The following JMJD1C variants were observed in gnomAD, a reference collection of about 807,000 sequenced individuals.
JMJD1C encodes the protein jumonji domain containing 1C.
JMJD1C carries 31 observed loss-of-function variants against 245.3 expected under a neutral mutation model. The ratio of observed to expected loss-of-function variants is 0.13; its 90% CI spans 0.09 to 0.17. The LOEUF (loss-of-function observed/expected upper bound fraction) is 0.17, where lower values mean the gene tolerates loss of function less well. Among genes scored for constraint, JMJD1C ranks in the 10% least tolerant of loss-of-function variants. JMJD1C has a pLI of 1.00. For missense variants in JMJD1C, 2,691 were observed against 3,000.2 expected, an observed-to-expected ratio of 0.90 and a Z score of 2.41; for synonymous variants, 1,057 against 1,017.4, an observed-to-expected ratio of 1.04 and a Z score of -0.74.
chr10:63,213,647 C>T lies in JMJD1C; in HGVS notation c.2520G>A (p.Gln840=), dbSNP rs753409956. The T allele has an allele frequency of 3.7e-6, 6 of 1,614,202 alleles. No homozygotes were observed. Among genetic ancestry groups the T allele is most frequent in the Non-Finnish European group, 5.1e-6 (6 of 1,180,020 alleles). ...HQQQQQLLQH[Q]SPHLLGQAHP... ...GGGCTTGTCCAAGAAGATGAGGTGA[C>T]TGGTGCTGTAACAACTGTTGTTGTT... The change falls in exon 8 of 26, where the codon CAG becomes CAA. Residue 840 remains glutamine, a synonymous_variant. Coordinates refer to ENST00000399262, the MANE Select transcript of JMJD1C (RefSeq NM_032776.3).
At chr10:63,431,400 G>A (rs1291778543) in intron 1 of JMJD1C, among the ~76,000 whole-genome samples, 1 of 152,152 alleles carries the variant, frequency 6.6e-6, no homozygotes, top group East Asian at 1.9e-4. Context: ...TATGGAAAAT[G>A]AGGCCAACCT....
intron 1 of JMJD1C, among the ~76,000 whole-genome samples, chr10:63,473,277 A>C (rs112988592): frequency 0.037 from 5,608 of 151,128 alleles, 327 homozygotes; most frequent in East Asian, 0.29. Context: ...ACACGGTCTC[A>C]CTCTGTCATC....
chr10:63,226,619 A>G (rs953262048), intron 3 of JMJD1C, among the ~76,000 whole-genome samples: 1 of 142,940 alleles, frequency 7.0e-6, no homozygotes, highest in Non-Finnish European at 1.5e-5. Context: ...GGAGGCTGAG[A>G]TGGGAGGATC....
chr10:63,220,821 A>G (rs1318912483), intron 3 of JMJD1C, among the ~76,000 whole-genome samples: 1 of 152,224 alleles, frequency 6.6e-6, no homozygotes. Flanking sequence ...TAAAGTGGAC[A>G]GGCAGGGCCG....
chr10:63,380,179 A>G (rs761016006), intron 2 of JMJD1C, 139 bp downstream of exon 2: 6 of 762,008 alleles, frequency 7.9e-6, no homozygotes, highest in East Asian at 2.8e-5. Context: ...CCTGGCTTCA[A>G]GCAATTGTCC....
intron 2 of JMJD1C, among the ~76,000 whole-genome samples, chr10:63,297,421 C>T (rs73292336): frequency 0.025 from 3,760 of 152,294 alleles, 151 homozygotes; most frequent in African/African-American, 0.086. Flanking sequence ...GTCTCCTCTC[C>T]GCTGAGAGCT....
intron 2 of JMJD1C, among the ~76,000 whole-genome samples, chr10:63,299,357 A>AT (rs59878158): frequency 0.18 from 24,291 of 135,628 alleles, 3,714 homozygotes; most frequent in African/African-American, 0.41. Flanking sequence ...TAATTTTTCC[A>AT]TTTTTTTTTT....
chr10:63,445,521 A>G (rs1174751126), intron 1 of JMJD1C, among the ~76,000 whole-genome samples: 3 of 152,208 alleles, frequency 2.0e-5, no homozygotes, highest in African/African-American at 7.2e-5. Flanking sequence ...TAAGAGGGTA[A>G]TAGAAGATAA....
At chr10:63,297,852 GAGAA>G (rs1356678623) in intron 2 of JMJD1C, among the ~76,000 whole-genome samples, 2 of 152,176 alleles carry the variant, frequency 1.3e-5, no homozygotes, top group East Asian at 3.9e-4. Context: ...TGCAGGTGAC[GAGAA>G]AGAAAGAAGA....
At chr10:63,227,423 T>C (rs1437062009) in intron 3 of JMJD1C, among the ~76,000 whole-genome samples, 2 of 152,230 alleles carry the variant, frequency 1.3e-5, no homozygotes, top group African/African-American at 2.4e-5. Context: ...ACTGGCTTAA[T>C]AACGTAACAG....
chr10:63,474,324 G>T (rs1325640277), intron 1 of JMJD1C, among the ~76,000 whole-genome samples: 1 of 152,224 alleles, frequency 6.6e-6, no homozygotes, highest in Non-Finnish European at 1.5e-5. Context: ...GAGTGGGAGT[G>T]TAAGAGTGCT....
Position 63,207,699 on chromosome 10 carries a change from C to T in JMJD1C, c.3970G>A (p.Ala1324Thr). Residue 1324 changes from alanine to threonine, a missense_variant, in exon 10 of 26, where the codon GCT becomes ACT. Physicochemically the swap from Ala to Thr is moderately conservative, Grantham distance 58. Coordinates refer to ENST00000399262, the MANE Select transcript of JMJD1C (RefSeq NM_032776.3). ...KTDSMPAMQLASKDRVSERSS... is the reference protein window; with the variant it reads ...KTDSMPAMQLTSKDRVSERSS... ...CTTTCACTAACACGATCTTTAGAAG[C>T]TAACTGCATTGCTGGCATACTATCA... 2.5e-6 allele frequency: 4 copies of T among 1,614,156 alleles called. No individual in the cohort carries two copies. Among genetic ancestry groups the T allele is most frequent in the Non-Finnish European group, 3.4e-6 (4 of 1,180,000 alleles).
At chr10:63,349,196 C>T (rs974446427) in intron 2 of JMJD1C, among the ~76,000 whole-genome samples, 13 of 151,234 alleles carry the variant, frequency 8.6e-5, no homozygotes, top group African/African-American at 2.9e-4. Flanking sequence ...CCCCAAAGCC[C>T]TCACCAGAAG....
chr10:63,293,803 T>G (rs1029908084), intron 2 of JMJD1C, among the ~76,000 whole-genome samples: 1 of 151,590 alleles, frequency 6.6e-6, no homozygotes, highest in African/African-American at 2.4e-5. Flanking sequence ...TTTTTTTCAA[T>G]CTTCCCAGAT....
chr10:63,514,669 T>A (rs1327350732), intron 1 of JMJD1C, among the ~76,000 whole-genome samples: 1 of 151,948 alleles, frequency 6.6e-6, no homozygotes, highest in African/African-American at 2.4e-5. Flanking sequence ...AACTGTGGGA[T>A]ACTAAGGTCA....
upstream of JMJD1C, among the ~76,000 whole-genome samples, chr10:63,468,324 A>T (rs910802060): frequency 6.6e-6 from 1 of 152,174 alleles, no homozygotes. Context: ...ACATTTTTTT[A>T]AATGTAGAAT....
At chr10:63,500,188 G>A (rs1341189384) in intron 1 of JMJD1C, among the ~76,000 whole-genome samples, 3 of 152,166 alleles carry the variant, frequency 2.0e-5, no homozygotes, top group East Asian at 1.9e-4. Flanking sequence ...GTGGGAGGCC[G>A]AGGCGGGAGA....
intron 1 of JMJD1C, among the ~76,000 whole-genome samples, chr10:63,503,176 G>C (rs1213929250): frequency 6.6e-6 from 1 of 152,028 alleles, no homozygotes; most frequent in Non-Finnish European, 1.5e-5. Context: ...TCAACCTAAA[G>C]GCCACAGGCC....
intron 2 of JMJD1C, among the ~76,000 whole-genome samples, chr10:63,372,459 T>C (rs1026342353): frequency 8.5e-5 from 13 of 152,328 alleles, no homozygotes; most frequent in African/African-American, 1.9e-4. Context: ...CTGATGAGAA[T>C]TGGCATTATA....
Sources: allele counts gnomAD v4.1 joint callset (sites outside exome capture counted in the v4.1 genomes callset), GRCh38; gene constraint gnomAD v4.1.1; transcripts MANE v1.5; gene names NCBI Gene and HGNC (gene_info 2026-07-23, HGNC 2026-07-21).